CHL1: variants seen among roughly 807,000 people sequenced by gnomAD.
CHL1 encodes the protein neural cell adhesion molecule L1-like protein.
CHL1 carries 96 observed loss-of-function variants against 141.9 expected under a neutral mutation model. That is an observed-to-expected ratio of 0.68 (90% CI 0.57 to 0.80). The LOEUF is 0.80. Ranked by LOEUF, CHL1 falls within the 30% of genes least tolerant of loss-of-function variation. CHL1 has a pLI of 0.00. For synonymous variants in CHL1, 613 were observed against 502.2 expected, an observed-to-expected ratio of 1.22 and a Z score of -2.95; for missense variants, 1,820 against 1,457.2, an observed-to-expected ratio of 1.25 and a Z score of -4.05.
chr3:328,906 A>G (rs1267832310), intron 5 of CHL1, among the ~76,000 whole-genome samples: 1 of 152,082 alleles, frequency 6.6e-6, no homozygotes, highest in African/African-American at 2.4e-5. Context: ...ACTCCTACTC[A>G]TGTTTTGTTA....
chr3:203,792 G>A (rs1367575829), intron 1 of CHL1, among the ~76,000 whole-genome samples: 1 of 152,208 alleles, frequency 6.6e-6, no homozygotes, highest in African/African-American at 2.4e-5. Flanking sequence ...GCAGTAAGAC[G>A]GCAAGGGAGC....
chr3:225,900 T>G (rs532423430), intron 1 of CHL1, among the ~76,000 whole-genome samples: 87 of 151,008 alleles, frequency 5.8e-4, no homozygotes, highest in African/African-American at 2.0e-3. Context: ...TCCCAGCTAC[T>G]CGGGGGGCTG....
chr3:211,934 G>A (rs934876593), intron 1 of CHL1, among the ~76,000 whole-genome samples: 4 of 152,140 alleles, frequency 2.6e-5, no homozygotes, highest in African/African-American at 4.8e-5. Context: ...TGGAACAAAC[G>A]TGTGGGAGTG....
chr3:348,832 C>A (rs1317178103), intron 9 of CHL1, among the ~76,000 whole-genome samples: 2 of 152,148 alleles, frequency 1.3e-5, no homozygotes, highest in African/African-American at 4.8e-5. Flanking sequence ...GTTCATGGGT[C>A]TAATCGACAT....
At chr3:297,647 A>G (rs1698314419) in intron 2 of CHL1, among the ~76,000 whole-genome samples, 2 of 152,234 alleles carry the variant, frequency 1.3e-5, no homozygotes, top group African/African-American at 4.8e-5. Context: ...GAATGGTTGT[A>G]TTACGGAAGT....
chr3:320,601 T>G (rs1700483918), intron 3 of CHL1, among the ~76,000 whole-genome samples: 2 of 152,102 alleles, frequency 1.3e-5, no homozygotes, highest in South Asian at 4.1e-4. Context: ...GCAGGAGGAT[T>G]GCCTGAGCCC....
intron 1 of CHL1, among the ~76,000 whole-genome samples, chr3:221,284 C>T (rs1340340304): frequency 6.6e-6 from 1 of 152,196 alleles, no homozygotes; most frequent in Admixed American, 6.6e-5. Flanking sequence ...GAATAAATCT[C>T]ATCAAATATT....
chr3:299,083 C>A (rs1362495695), intron 2 of CHL1, among the ~76,000 whole-genome samples: 2 of 152,096 alleles, frequency 1.3e-5, no homozygotes, highest in Non-Finnish European at 1.5e-5. Context: ...GAGTAACCTC[C>A]CATGTGCCAG....
At chr3:211,745 G>T (rs865987246) in intron 1 of CHL1, among the ~76,000 whole-genome samples, 2 of 152,130 alleles carry the variant, frequency 1.3e-5, no homozygotes, top group African/African-American at 2.4e-5. Flanking sequence ...GGCAAAATGC[G>T]ATATACACAA....
intron 1 of CHL1, among the ~76,000 whole-genome samples, chr3:238,563 A>C (rs1241043566): frequency 6.6e-6 from 1 of 152,156 alleles, no homozygotes; most frequent in Non-Finnish European, 1.5e-5. Context: ...GAAGGCAAAA[A>C]TTAATAAGAT....
chr3:313,077 C>G (rs1297626843), intron 2 of CHL1, among the ~76,000 whole-genome samples: 2 of 151,902 alleles, frequency 1.3e-5, no homozygotes, highest in African/African-American at 2.4e-5. Flanking sequence ...CTTTTTTTTC[C>G]CTTCTTTTTT....
Position 361,825 on chromosome 3 carries a change from C to T in CHL1, c.1418+15C>T, listed in dbSNP as rs755647413. The T allele has an allele frequency of 2.4e-5, 37 of 1,521,406 alleles. No individual in the cohort carries two copies. In the Admixed American group the frequency reaches 2.9e-4, roughly 12 times the overall value. 94.2% of individuals were successfully genotyped at this position (1,521,406 alleles called of 1,614,324 possible). ...GTCGTGTCCTGGTAAGCCGGTGGCT[C>T]ATGGTTTTCTTAAGAGAATGTCAAT... On this transcript the variant is annotated intron_variant, in intron 13 of 27. Transcript: ENST00000256509.
intron 2 of CHL1, among the ~76,000 whole-genome samples, chr3:281,443 T>G (rs1273324162): frequency 6.6e-6 from 1 of 152,202 alleles, no homozygotes; most frequent in Non-Finnish European, 1.5e-5. Flanking sequence ...TCGGTTCTCC[T>G]GGACTACCAG....
At chr3:365,475 G>A (rs900875499) in intron 14 of CHL1, among the ~76,000 whole-genome samples, 1 of 152,138 alleles carries the variant, frequency 6.6e-6, no homozygotes, top group African/African-American at 2.4e-5. Context: ...CTTCCCTGAG[G>A]CTTGCTTTCT....
At chr3:401,086 G>C (rs9844685) in intron 26 of CHL1, among the ~76,000 whole-genome samples, 123,044 of 151,900 alleles carry the variant, frequency 0.81, 54,388 homozygotes, top group East Asian at 1. Flanking sequence ...GTTTTTAATA[G>C]AGACAGGGTC....
At chr3:291,467 T>C (rs113214036) in intron 2 of CHL1, among the ~76,000 whole-genome samples, 145 of 151,730 alleles carry the variant, frequency 9.6e-4, no homozygotes, top group African/African-American at 3.1e-3. Context: ...TTTTTCTTTT[T>C]TTTAACCTCA....
intron 1 of CHL1, among the ~76,000 whole-genome samples, chr3:240,234 C>T (rs981169089): frequency 6.6e-6 from 1 of 152,148 alleles, no homozygotes; most frequent in African/African-American, 2.4e-5. Context: ...GCTCCCTTTC[C>T]ATTGCATCCA....
At chr3:293,006 A>G (rs983540315) in intron 2 of CHL1, among the ~76,000 whole-genome samples, 1 of 152,236 alleles carries the variant, frequency 6.6e-6, no homozygotes, top group African/African-American at 2.4e-5. Context: ...ATTGATTTGT[A>G]TTAAGCCAAC....
intron 1 of CHL1, among the ~76,000 whole-genome samples, chr3:230,870 T>A (rs1186558279): frequency 6.6e-6 from 1 of 152,196 alleles, no homozygotes; most frequent in Non-Finnish European, 1.5e-5. Flanking sequence ...GTAGTTTGAA[T>A]GGCCCAGATC....
Sources: allele counts gnomAD v4.1 joint callset (sites outside exome capture counted in the v4.1 genomes callset), GRCh38; gene constraint gnomAD v4.1.1; transcripts MANE v1.5; gene names NCBI Gene and HGNC (gene_info 2026-07-23, HGNC 2026-07-21).